The following TMTC2 variants were observed in gnomAD, a reference collection of about 807,000 sequenced individuals.
TMTC2 encodes protein O-mannosyl-transferase TMTC2.
A neutral mutation model predicts 82.4 loss-of-function variants in TMTC2; 43 were observed. The observed-to-expected ratio is 0.52, with a 90% confidence interval of 0.41 to 0.67. The LOEUF (loss-of-function observed/expected upper bound fraction) is 0.67, where lower values mean the gene tolerates loss of function less well. TMTC2 is among the 30% of genes least tolerant of loss of function. TMTC2 has a pLI of 0.00. For synonymous variants in TMTC2, 408 were observed against 381.9 expected (o/e 1.07, Z -0.80); for missense variants, 919 against 1,012.4 (o/e 0.91, Z 1.25).
chr12:82,969,490 T>G (rs1878359470), intron 7 of TMTC2, among the ~76,000 whole-genome samples: 1 of 152,230 alleles, frequency 6.6e-6, no homozygotes, highest in Admixed American at 6.5e-5. Flanking sequence ...TTAATGTGAT[T>G]ATTAGTGTAG....
intron 2 of TMTC2, among the ~76,000 whole-genome samples, chr12:82,862,829 C>G (rs535620200): frequency 1.3e-5 from 2 of 152,098 alleles, no homozygotes; most frequent in Non-Finnish European, 2.9e-5. Context: ...AACTAACAAC[C>G]CCATATTTCC....
At chr12:82,905,393 T>TA (rs572762287) in intron 3 of TMTC2, among the ~76,000 whole-genome samples, 3 of 152,300 alleles carry the variant, frequency 2.0e-5, no homozygotes, top group South Asian at 2.1e-4. Flanking sequence ...CAATTTGATT[T>TA]AAAAAAATAT....
intron 8 of TMTC2, among the ~76,000 whole-genome samples, chr12:83,022,170 C>G (rs113976883): frequency 6.0e-4 from 92 of 152,116 alleles, no homozygotes; most frequent in African/African-American, 2.0e-3. Context: ...AGGCCCTGCA[C>G]AGTCTGGTCC....
chr12:82,718,954 A>G (rs1874030826), intron 1 of TMTC2, among the ~76,000 whole-genome samples: 1 of 150,638 alleles, frequency 6.6e-6, no homozygotes, highest in African/African-American at 2.4e-5. Context: ...GTTTAATCCT[A>G]TTGATTATAA....
At chr12:82,807,782 G>A (rs751722052) in intron 1 of TMTC2, among the ~76,000 whole-genome samples, 13 of 151,968 alleles carry the variant, frequency 8.6e-5, no homozygotes, top group Non-Finnish European at 1.5e-4. Context: ...AGGTGATGGA[G>A]CCATCCTAAT....
chr12:82,733,576 A>G (rs1323233129), intron 1 of TMTC2, among the ~76,000 whole-genome samples: 1 of 152,218 alleles, frequency 6.6e-6, no homozygotes, highest in African/African-American at 2.4e-5. Flanking sequence ...TCTGTAAATG[A>G]CATGCCTTTG....
At chr12:82,882,571 G>A (rs532197253) in intron 2 of TMTC2, among the ~76,000 whole-genome samples, 2 of 152,070 alleles carry the variant, frequency 1.3e-5, no homozygotes, top group African/African-American at 2.4e-5. Flanking sequence ...AGTAAACCCA[G>A]AATGTTCAAC....
At chr12:82,785,802 C>T (rs956831569) in intron 1 of TMTC2, among the ~76,000 whole-genome samples, 1 of 152,074 alleles carries the variant, frequency 6.6e-6, no homozygotes, top group Non-Finnish European at 1.5e-5. Context: ...GACCATGATT[C>T]AGAGATTATC....
chr12:82,954,882 T>C (rs754389615), intron 4 of TMTC2, among the ~76,000 whole-genome samples: 2 of 152,230 alleles, frequency 1.3e-5, no homozygotes, highest in Non-Finnish European at 2.9e-5. Flanking sequence ...CTGTTTAATT[T>C]TTAGAAAATT....
intron 2 of TMTC2, among the ~76,000 whole-genome samples, chr12:82,884,178 A>G (rs1218309644): frequency 6.6e-6 from 1 of 152,228 alleles, no homozygotes; most frequent in African/African-American, 2.4e-5. Context: ...TGCCATGGGT[A>G]CGCAAGAAAT....
chr12:82,979,455 A>G (rs1349078902), intron 7 of TMTC2, among the ~76,000 whole-genome samples: 1 of 151,818 alleles, frequency 6.6e-6, no homozygotes, highest in Non-Finnish European at 1.5e-5. Context: ...AAGAAAATAG[A>G]AAATGAATAA....
chr12:82,912,227 G>A (rs1055679953), intron 3 of TMTC2, among the ~76,000 whole-genome samples: 1 of 152,164 alleles, frequency 6.6e-6, no homozygotes, highest in African/African-American at 2.4e-5. Context: ...GGTTAGAAAT[G>A]TAATATATCA....
At chr12:82,742,537 A>T (rs888523361) in intron 1 of TMTC2, among the ~76,000 whole-genome samples, 10 of 146,646 alleles carry the variant, frequency 6.8e-5, no homozygotes, top group African/African-American at 2.5e-4. Flanking sequence ...TTTTTTTTTT[A>T]AGGTGGAGTT....
intron 1 of TMTC2, among the ~76,000 whole-genome samples, chr12:82,797,272 T>C (rs1878766109): frequency 6.6e-6 from 1 of 152,178 alleles, no homozygotes; most frequent in Admixed American, 6.5e-5. Context: ...TGTGAAGCAG[T>C]GTGTTGCTAA....
chr12:83,042,370 TG>T (rs1881927995), intron 9 of TMTC2, among the ~76,000 whole-genome samples: 1 of 152,236 alleles, frequency 6.6e-6, no homozygotes, highest in African/African-American at 2.4e-5. Flanking sequence ...TAAATGAGGC[TG>T]CTCACCTCTG....
intron 1 of TMTC2, among the ~76,000 whole-genome samples, chr12:82,829,629 T>C (rs1869643124): frequency 6.6e-6 from 1 of 152,228 alleles, no homozygotes; most frequent in African/African-American, 2.4e-5. Flanking sequence ...TTGGCAAATG[T>C]CACCCTTGAT....
At chr12:82,811,941 C>T (rs1868418160) in intron 1 of TMTC2, among the ~76,000 whole-genome samples, 1 of 151,420 alleles carries the variant, frequency 6.6e-6, no homozygotes, top group African/African-American at 2.4e-5. Context: ...TTCAGTCCCC[C>T]CGAGCAGCTG....
intron 11 of TMTC2, among the ~76,000 whole-genome samples, chr12:83,124,217 A>G (rs1181569309): frequency 6.6e-6 from 1 of 152,238 alleles, no homozygotes; most frequent in Non-Finnish European, 1.5e-5. Context: ...CTGCGTATCC[A>G]TTGTCTGGCC....
chr12:82,887,492 A>G (rs1231684628), intron 2 of TMTC2, among the ~76,000 whole-genome samples: 5 of 152,092 alleles, frequency 3.3e-5, no homozygotes, highest in African/African-American at 1.2e-4. Context: ...ATTTCAGGTG[A>G]TATGTGGGGA....
Sources: allele counts gnomAD v4.1 joint callset (sites outside exome capture counted in the v4.1 genomes callset), GRCh38; gene constraint gnomAD v4.1.1; transcripts MANE v1.5; gene names NCBI Gene and HGNC (gene_info 2026-07-23, HGNC 2026-07-21).